AFG2A: variants seen among roughly 807,000 people sequenced by gnomAD.
AFG2A encodes ATPase family gene 2 protein homolog A.
chr4:123,044,121 G>A, the AFG2A span, among the ~76,000 whole-genome samples: 1 of 151,886 alleles, frequency 6.6e-6, no homozygotes, highest in African/African-American at 2.4e-5. Flanking sequence ...GATCCCACTT[G>A]TTTACAGTTT....
the AFG2A span, among the ~76,000 whole-genome samples, chr4:123,203,951 A>G: frequency 1.3e-5 from 2 of 152,192 alleles, no homozygotes; most frequent in Admixed American, 1.3e-4. Context: ...AGAAGAATCT[A>G]TTCCTTTCCT....
chr4:123,286,718 T>C, the AFG2A span, among the ~76,000 whole-genome samples: 4 of 152,272 alleles, frequency 2.6e-5, no homozygotes, highest in African/African-American at 9.6e-5. Flanking sequence ...CTGCTTTGTT[T>C]GTTGCTCTGA....
the AFG2A span, among the ~76,000 whole-genome samples, chr4:123,225,101 C>T: frequency 1.3e-5 from 2 of 151,040 alleles, no homozygotes; most frequent in African/African-American, 4.9e-5. Context: ...ATTGTAAATT[C>T]TGGATATTAG....
the AFG2A span, among the ~76,000 whole-genome samples, chr4:123,069,831 G>A: frequency 6.6e-6 from 1 of 152,114 alleles, no homozygotes; most frequent in African/African-American, 2.4e-5. Flanking sequence ...AGACTAAAAC[G>A]TAAAGTACTC....
the AFG2A span, among the ~76,000 whole-genome samples, chr4:123,207,833 T>C: frequency 8.2e-4 from 125 of 152,184 alleles, no homozygotes; most frequent in Non-Finnish European, 1.5e-3. Context: ...AAAGACTTAA[T>C]ATTGTTAAGA....
At chr4:123,201,641 A>G in the AFG2A span, among the ~76,000 whole-genome samples, 1 of 152,332 alleles carries the variant, frequency 6.6e-6, no homozygotes, top group Non-Finnish European at 1.5e-5. Context: ...AGAAGAGGCC[A>G]GGCACGGTGG....
chr4:123,196,167 A>ATTTTTTTTTT, the AFG2A span, among the ~76,000 whole-genome samples: 21 of 79,668 alleles, frequency 2.6e-4, no homozygotes, highest in South Asian at 4.9e-4. Context: ...TGCCCAGCTA[A>ATTTTTTTTTT]TTTTTTTTTT....
chr4:123,198,562 T>A, the AFG2A span, among the ~76,000 whole-genome samples: 1 of 152,152 alleles, frequency 6.6e-6, no homozygotes. Flanking sequence ...AGATACACAT[T>A]CTTAATTGAA....
chr4:123,181,161 T>C, the AFG2A span, among the ~76,000 whole-genome samples: 1 of 151,992 alleles, frequency 6.6e-6, no homozygotes, highest in South Asian at 2.1e-4. Context: ...ATTTTTTGTA[T>C]TTTTAGTAGA....
At chr4:122,992,578 T>TA in the AFG2A span, among the ~76,000 whole-genome samples, 3 of 152,320 alleles carry the variant, frequency 2.0e-5, no homozygotes, top group Admixed American at 2.0e-4. Flanking sequence ...TATCAACATT[T>TA]AAAAAATAGT....
At chr4:123,192,713 C>T in the AFG2A span, among the ~76,000 whole-genome samples, 3 of 152,196 alleles carry the variant, frequency 2.0e-5, no homozygotes, top group Admixed American at 6.5e-5. Context: ...CTTCTCTCCC[C>T]CTGTGGCCCA....
chr4:123,235,284 G>A, the AFG2A span, among the ~76,000 whole-genome samples: 1 of 152,054 alleles, frequency 6.6e-6, no homozygotes, highest in Admixed American at 6.6e-5. Context: ...CTTTTGTGTT[G>A]TATACAATAT....
the AFG2A span, among the ~76,000 whole-genome samples, chr4:123,033,886 G>A: frequency 3.3e-5 from 5 of 152,134 alleles, no homozygotes; most frequent in Non-Finnish European, 5.9e-5. Flanking sequence ...AAAAGTTTTT[G>A]GGGGGCATAA....
the AFG2A span, among the ~76,000 whole-genome samples, chr4:123,255,153 T>G: frequency 6.6e-6 from 1 of 152,064 alleles, no homozygotes; most frequent in Non-Finnish European, 1.5e-5. Context: ...TTTGTAGAGA[T>G]GTCGTTTTGT....
At chr4:123,006,895 G>A in the AFG2A span, among the ~76,000 whole-genome samples, 1 of 25,606 alleles carries the variant, frequency 3.9e-5, no homozygotes, top group Non-Finnish European at 1.4e-4. Context: ...TTGCATGCTT[G>A]TTATTTTTTT....
chr4:122,934,854 G>A, the AFG2A span: 7 of 1,307,828 alleles, frequency 5.4e-6, no homozygotes, highest in Non-Finnish European at 7.2e-6. Context: ...TGAGTAGTAG[G>A]TATGGTAGAA....
At chr4:123,182,748 C>T in the AFG2A span, among the ~76,000 whole-genome samples, 1 of 152,126 alleles carries the variant, frequency 6.6e-6, no homozygotes, top group Non-Finnish European at 1.5e-5. Flanking sequence ...TCCCAGTTTA[C>T]TTTTTTCTTG....
the AFG2A span, among the ~76,000 whole-genome samples, chr4:122,976,479 C>T: frequency 6.6e-6 from 1 of 152,296 alleles, no homozygotes; most frequent in East Asian, 1.9e-4. Flanking sequence ...TTCCTGGCTG[C>T]TTTAGTACCT....
the AFG2A span, among the ~76,000 whole-genome samples, chr4:123,060,577 G>A: frequency 6.6e-6 from 1 of 152,186 alleles, no homozygotes; most frequent in African/African-American, 2.4e-5. Context: ...GCCTGGAGCG[G>A]CTGGGATGCA....
Sources: gnomAD v4.1 joint callset for allele counts (sites outside exome capture counted in the v4.1 genomes callset) on GRCh38, gnomAD v4.1.1 for gene constraint, MANE v1.5 for transcripts, NCBI Gene and HGNC (gene_info 2026-07-23, HGNC 2026-07-21) for gene names.